The following ABCB11 variants were observed in gnomAD, a reference collection of about 807,000 sequenced individuals.
ABCB11 encodes the protein ATP binding cassette subfamily B member 11.
A neutral mutation model predicts 148.0 loss-of-function variants in ABCB11; 95 were observed. The ratio of observed to expected loss-of-function variants is 0.64; its 90% CI spans 0.54 to 0.76. The LOEUF is 0.76. Among genes scored for constraint, ABCB11 ranks in the 30% least tolerant of loss-of-function variants. The pLI is 0.00. For missense variants in ABCB11, 1,523 were observed against 1,617.8 expected, an observed-to-expected ratio of 0.94 and a Z score of 1.01; for synonymous variants, 591 against 555.4, an observed-to-expected ratio of 1.06 and a Z score of -0.90.
At chr2:168,927,416 G>C in intron 25 of ABCB11, 54 bp from the exon 26 acceptor site, 1 of 1,463,198 alleles carries the variant, frequency 6.8e-7, no homozygotes, top group Non-Finnish European at 9.5e-7. Context: ...CAGCAGTGAG[G>C]AAAGTTCATA....
rs760754635 is a variant in ABCB11 at position 168,979,904 on chromosome 2, G to C, written c.1159C>G (p.Arg387Gly). The C allele has an allele frequency of 6.2e-7, 1 of 1,606,826 alleles. No individual in the cohort carries two copies. Among genetic ancestry groups the C allele is most frequent in the Non-Finnish European group, 8.5e-7 (1 of 1,175,382 alleles). Reference sequence around the variant, plus strand: ...TCAAAAATGCTGGTGGCTGCTGCACGTCCAGTTGCAAAGGCTTCCAAACAA... The same window carrying C: ...TCAAAAATGCTGGTGGCTGCTGCACCTCCAGTTGCAAAGGCTTCCAAACAA... ...SPCLEAFATG[R>G]AAATSIFETI... The change falls in exon 11 of 28, where the codon CGT becomes GGT. Residue 387 changes from arginine (R) to glycine (G), a missense_variant. Physicochemically the swap from Arg to Gly is moderately radical, Grantham distance 125. Transcript: ENST00000650372.
At chr2:168,973,949 G>C (rs1426398922) in intron 12 of ABCB11, 109 bp from the exon 13 acceptor site, 2 of 1,227,682 alleles carry the variant, frequency 1.6e-6, no homozygotes, top group East Asian at 2.5e-5. Context: ...CTGTGTGTGC[G>C]TTTATGTATG....
intron 12 of ABCB11, among the ~76,000 whole-genome samples, chr2:168,975,142 TATAG>T (rs1386889179): frequency 7.7e-5 from 4 of 51,848 alleles, no homozygotes; most frequent in African/African-American, 1.9e-4. Context: ...TTTAAATATT[TATAG>T]ATAAATATAT....
At chr2:168,957,586 C>T (rs1175278742) in intron 19 of ABCB11, among the ~76,000 whole-genome samples, 1 of 151,706 alleles carries the variant, frequency 6.6e-6, no homozygotes, top group Non-Finnish European at 1.5e-5. Flanking sequence ...AAACTTTGTA[C>T]CTCTGCTGTT....
At chr2:168,958,993 A>G (rs1692929518) in intron 18 of ABCB11, among the ~76,000 whole-genome samples, 1 of 151,738 alleles carries the variant, frequency 6.6e-6, no homozygotes, top group East Asian at 2.0e-4. Flanking sequence ...CCAAAAATAT[A>G]TACAGCAAAT....
rs752043389 is a variant in ABCB11 at position 168,990,797 on chromosome 2, C to T, written c.908+4G>A. The T allele has an allele frequency of 6.2e-7, 1 of 1,612,612 alleles. No individual in the cohort carries two copies. Among genetic ancestry groups the T allele is most frequent in the Admixed American group, 1.7e-5 (1 of 59,922 alleles). ...AGGAAAGAATCAGATTCCAATTAAC[C>T]AACCTTTCAACCTCTCTTTTCTCAC... On this transcript the variant is annotated splice_donor_region_variant and intron_variant, in intron 9 of 27. Coordinates refer to ENST00000650372, the MANE Select transcript of ABCB11 (RefSeq NM_003742.4).
intron 5 of ABCB11, among the ~76,000 whole-genome samples, chr2:169,007,944 T>C: frequency 6.6e-6 from 1 of 152,182 alleles, no homozygotes; most frequent in Non-Finnish European, 1.5e-5. Context: ...TCAGTAGACA[T>C]ATATCCCAGT....
chr2:168,919,635 A>C (rs1691020301), downstream of ABCB11, among the ~76,000 whole-genome samples: 1 of 151,976 alleles, frequency 6.6e-6, no homozygotes, highest in Admixed American at 6.6e-5. Flanking sequence ...TTTTTTAAAA[A>C]AAAAGCCCCC....
intron 9 of ABCB11, among the ~76,000 whole-genome samples, chr2:168,989,778 A>C (rs986205374): frequency 1.3e-5 from 2 of 152,018 alleles, no homozygotes; most frequent in Admixed American, 1.3e-4. Context: ...ATTGAGGTAC[A>C]TTCTTTTTAT....
At position 168,969,116 on chromosome 2, in the gene ABCB11, TA is replaced by T. The variant is rs66474338; in HGVS notation, c.2011+233del. 0.034 allele frequency among the ~76,000 whole-genome samples: 4,801 copies of T among 140,072 alleles called. 254 individuals carry two copies. The highest frequency in any genetic ancestry group is 0.12 in the African/African-American group (4,423 of 37,460). The allele number at this position is 140,072 out of a possible 152,430, so 91.9% of individuals were successfully genotyped here. A position where few individuals can be genotyped will look rare whatever the true frequency, so the allele number is the denominator to read the frequency against. The stretch of plus-strand genomic sequence containing the variant: ...GAAGCCTCTTCTATTTGCGCAGGGT[TA>T]AAAAAAAAAAAAAAGGGGGGGATGG... On this transcript the variant is annotated intron_variant, in intron 16 of 27. Transcript: ENST00000650372.
chr2:168,963,054 A>G (rs1693144812), intron 18 of ABCB11, among the ~76,000 whole-genome samples: 1 of 151,754 alleles, frequency 6.6e-6, no homozygotes. Context: ...TTTGTCCATT[A>G]TGAATCAATG....
In ABCB11 at chr2:168,979,862, A is replaced by T. The variant is rs748691675; in HGVS notation, c.1197+4T>A. The stretch of plus-strand genomic sequence containing the variant: ...AATGGCCTTTACTTTTGGCTTATAC[A>T]TACCCTGTCTATTGTCTCAAAAATG... On this transcript the variant is annotated splice_donor_region_variant and intron_variant, in intron 11 of 27. Transcript: ENST00000650372. 3.1e-6 allele frequency: 5 copies of T among 1,598,692 alleles called. No individual in the cohort carries two copies. The highest frequency in any genetic ancestry group is 3.4e-6 in the Non-Finnish European group (4 of 1,168,838).
At chr2:168,927,847 A>G (rs1559177017) in intron 25 of ABCB11, among the ~76,000 whole-genome samples, 1 of 152,328 alleles carries the variant, frequency 6.6e-6, no homozygotes, top group Non-Finnish European at 1.5e-5. Flanking sequence ...AAAGGAATAC[A>G]TTTATTCACT....
intron 19 of ABCB11, among the ~76,000 whole-genome samples, chr2:168,945,276 T>C (rs186296914): frequency 1.1e-4 from 16 of 151,980 alleles, no homozygotes; most frequent in African/African-American, 3.9e-4. Context: ...AACCTAAAAG[T>C]GCTCTAAAAA....
intron 24 of ABCB11, 37 bp from the exon 25 acceptor site, chr2:168,930,899 C>A: frequency 6.6e-7 from 1 of 1,522,324 alleles, no homozygotes; most frequent in Non-Finnish European, 8.9e-7. Flanking sequence ...GATGCTCTTA[C>A]TGAAGCCTAG....
intron 24 of ABCB11, among the ~76,000 whole-genome samples, chr2:168,931,666 A>G (rs1478148292): frequency 6.6e-6 from 1 of 152,228 alleles, no homozygotes; most frequent in Non-Finnish European, 1.5e-5. Flanking sequence ...TACATTCTGT[A>G]TCAGAACATC....
intron 9 of ABCB11, among the ~76,000 whole-genome samples, chr2:168,987,209 A>G (rs1004685386): frequency 3.9e-5 from 6 of 152,160 alleles, no homozygotes; most frequent in African/African-American, 1.2e-4. Context: ...ACTGAGAATA[A>G]CACCATCTTA....
intron 18 of ABCB11, among the ~76,000 whole-genome samples, chr2:168,963,301 A>C (rs1252275345): frequency 6.6e-6 from 1 of 151,794 alleles, no homozygotes; most frequent in African/African-American, 2.4e-5. Context: ...AAGTTGATTC[A>C]AACACAAATA....
intron 18 of ABCB11, among the ~76,000 whole-genome samples, chr2:168,963,213 G>A (rs1445256214): frequency 6.6e-6 from 1 of 151,646 alleles, no homozygotes; most frequent in African/African-American, 2.4e-5. Flanking sequence ...TTATTTTATT[G>A]TAGAAATTCA....
Sources: gnomAD v4.1 joint callset for allele counts (sites outside exome capture counted in the v4.1 genomes callset) on GRCh38, gnomAD v4.1.1 for gene constraint, MANE v1.5 for transcripts, NCBI Gene and HGNC (gene_info 2026-07-23, HGNC 2026-07-21) for gene names.